Variants in THSD7A observed in about 807,000 individuals in gnomAD.
The protein encoded by THSD7A is thrombospondin type-1 domain-containing protein 7A.
Under a neutral mutation model 231.3 loss-of-function variants are expected in THSD7A, and 96 were observed. The observed-to-expected ratio is 0.41, with a 90% CI of 0.35 to 0.49. The LOEUF (loss-of-function observed/expected upper bound fraction) is 0.49. THSD7A is among the 20% of genes least tolerant of loss of function. THSD7A has a pLI of 0.05. For synonymous variants in THSD7A, 940 were observed against 743.3 expected (o/e 1.26, Z -4.30); for missense variants, 2,290 against 2,070.2 (o/e 1.11, Z -2.06).
At chr7:11,642,837 C>A (rs112840762) in intron 1 of THSD7A, among the ~76,000 whole-genome samples, 225 of 152,126 alleles carry the variant, frequency 1.5e-3, no homozygotes, top group African/African-American at 5.2e-3. Context: ...ATGTGCCTAT[C>A]CTCTTGATAT....
At chr7:11,448,696 G>T (rs952674989) in intron 11 of THSD7A, among the ~76,000 whole-genome samples, 11 of 152,068 alleles carry the variant, frequency 7.2e-5, no homozygotes, top group Admixed American at 7.2e-4. Flanking sequence ...GACATAACTA[G>T]CAATTTTAGC....
chr7:11,422,111 A>G (rs535120567), intron 16 of THSD7A, among the ~76,000 whole-genome samples: 116 of 152,338 alleles, frequency 7.6e-4, no homozygotes, highest in African/African-American at 2.7e-3. Context: ...AGCCCATCAC[A>G]GGTGTGGTAA....
At chr7:11,761,038 A>T (rs1475493330) in intron 1 of THSD7A, among the ~76,000 whole-genome samples, 1 of 150,766 alleles carries the variant, frequency 6.6e-6, no homozygotes, top group African/African-American at 2.4e-5. Context: ...CTGATAAGCT[A>T]TAAATATGTC....
chr7:11,469,734 G>A (rs1785856766), intron 9 of THSD7A, 145 bp downstream of exon 9: 8 of 557,830 alleles, frequency 1.4e-5, no homozygotes, highest in South Asian at 2.5e-5. Flanking sequence ...TTCCTAGAGG[G>A]AAACTAACAT....
intron 1 of THSD7A, among the ~76,000 whole-genome samples, chr7:11,799,917 T>A (rs12699274): frequency 6.6e-6 from 1 of 152,016 alleles, no homozygotes; most frequent in African/African-American, 2.4e-5. Flanking sequence ...ACACTATTAA[T>A]TAGCAACCAA....
intron 13 of THSD7A, among the ~76,000 whole-genome samples, chr7:11,432,844 A>T (rs1784520704): frequency 6.6e-6 from 1 of 152,048 alleles, no homozygotes; most frequent in Non-Finnish European, 1.5e-5. Context: ...AGACAAATGG[A>T]TAAATTGGAT....
rs1269511028 is a variant in THSD7A, at chr7:11,739,571, A to G, written c.190+92186T>C. 3.3e-5 allele frequency among the ~76,000 whole-genome samples: 5 copies of G among 151,816 alleles called. No homozygotes were observed. In the East Asian group the frequency reaches 5.8e-4, roughly 18 times the overall value. ...AAAACATCATCATCTCTTTCTTTAA[A>G]ATTTTTTTTTAAATTTGTATTTTTT... On this transcript the variant is annotated intron_variant, in intron 1 of 27. Coordinates refer to ENST00000423059, the MANE Select transcript of THSD7A (RefSeq NM_015204.3).
At chr7:11,497,889 T>A (rs779223298) in intron 6 of THSD7A, among the ~76,000 whole-genome samples, 22 of 151,918 alleles carry the variant, frequency 1.4e-4, no homozygotes, top group Admixed American at 6.6e-4. Context: ...CCCAGGGAAG[T>A]GATGAGTGAA....
At chr7:11,672,212 A>G (rs1211176968) in intron 1 of THSD7A, among the ~76,000 whole-genome samples, 1 of 152,160 alleles carries the variant, frequency 6.6e-6, no homozygotes, top group East Asian at 1.9e-4. Flanking sequence ...ATATTCTAAC[A>G]GAGAAGCATT....
At chr7:11,810,545 C>T (rs941219159) in intron 1 of THSD7A, among the ~76,000 whole-genome samples, 1 of 152,160 alleles carries the variant, frequency 6.6e-6, no homozygotes, top group South Asian at 2.1e-4. Context: ...GCTTAGAGGG[C>T]ACCACCCCAA....
At chr7:11,674,103 C>T (rs1401438658) in intron 1 of THSD7A, among the ~76,000 whole-genome samples, 2 of 151,948 alleles carry the variant, frequency 1.3e-5, no homozygotes, top group Non-Finnish European at 1.5e-5. Context: ...TGTTCTAACC[C>T]TGAGGTAGGG....
intron 1 of THSD7A, among the ~76,000 whole-genome samples, chr7:11,789,638 T>C (rs1201876280): frequency 1.3e-5 from 2 of 151,990 alleles, no homozygotes; most frequent in African/African-American, 2.4e-5. Flanking sequence ...CACAGTACTA[T>C]ATTGTTAACT....
At chr7:11,572,122 G>T (rs2128334882) in intron 4 of THSD7A, among the ~76,000 whole-genome samples, 1 of 152,156 alleles carries the variant, frequency 6.6e-6, no homozygotes, top group South Asian at 2.1e-4. Context: ...ATCTCACTAT[G>T]TTGCCCAGGC....
At chr7:11,404,275 G>C (rs1269232196) in intron 22 of THSD7A, among the ~76,000 whole-genome samples, 1 of 152,136 alleles carries the variant, frequency 6.6e-6, no homozygotes, top group Non-Finnish European at 1.5e-5. Flanking sequence ...AATTACATTT[G>C]ATAAGTAACA....
At chr7:11,785,384 C>A (rs79552996) in intron 1 of THSD7A, among the ~76,000 whole-genome samples, 4,741 of 152,126 alleles carry the variant, frequency 0.031, 250 homozygotes, top group African/African-American at 0.11. Flanking sequence ...TTCAGATGAA[C>A]CCTGCCCTAT....
At chr7:11,759,647 C>T (rs941602665) in intron 1 of THSD7A, among the ~76,000 whole-genome samples, 1 of 151,948 alleles carries the variant, frequency 6.6e-6, no homozygotes, top group Admixed American at 6.6e-5. Context: ...TATACACATA[C>T]ACATATACAC....
chr7:11,597,316 A>T (rs1191231209), intron 2 of THSD7A, among the ~76,000 whole-genome samples: 1 of 152,132 alleles, frequency 6.6e-6, no homozygotes, highest in African/African-American at 2.4e-5. Context: ...TAGTGGGCTT[A>T]TTTGGATTTT....
At chr7:11,739,253 T>G (rs559457422) in intron 1 of THSD7A, among the ~76,000 whole-genome samples, 1 of 152,110 alleles carries the variant, frequency 6.6e-6, no homozygotes, top group African/African-American at 2.4e-5. Context: ...TTTAGATAGC[T>G]TTAATAAGGC....
chr7:11,812,837 G>A (rs1415422097), intron 1 of THSD7A, among the ~76,000 whole-genome samples: 1 of 152,022 alleles, frequency 6.6e-6, no homozygotes, highest in African/African-American at 2.4e-5. Context: ...TATATGTCCT[G>A]GCTGCTGGTT....
Sources: allele counts gnomAD v4.1 joint callset (sites outside exome capture counted in the v4.1 genomes callset), GRCh38; gene constraint gnomAD v4.1.1; transcripts MANE v1.5; gene names NCBI Gene and HGNC (gene_info 2026-07-23, HGNC 2026-07-21).